Variants in LPAR3 observed in about 807,000 individuals in gnomAD.
LPAR3 encodes the protein lysophosphatidic acid receptor 3, also known as LPA receptor 3.
LPAR3 carries 7 observed loss-of-function variants against 17.8 expected under a neutral mutation model. The ratio of observed to expected loss-of-function variants is 0.39; its 90% CI spans 0.22 to 0.74. The LOEUF is 0.74. Ranked by LOEUF, LPAR3 falls within the 30% of genes least tolerant of loss-of-function variation. The probability of loss-of-function intolerance (pLI) is 0.40; values close to 1 mark genes in which losing one functional copy is unlikely to be tolerated. For synonymous variants in LPAR3, 179 were observed against 179.9 expected (o/e 0.99, Z 0.04); for missense variants, 391 against 453.4 (o/e 0.86, Z 1.25).
intron 2 of LPAR3, among the ~76,000 whole-genome samples, chr1:84,824,726 T>C (rs9728717): frequency 0.24 from 36,079 of 152,134 alleles, 5,181 homozygotes; most frequent in African/African-American, 0.4. Flanking sequence ...GTTGGTTACT[T>C]CCTCTGCTGT....
At chr1:84,891,118 A>G (rs4243772) in intron 1 of LPAR3, among the ~76,000 whole-genome samples, 44,382 of 151,034 alleles carry the variant, frequency 0.29, 6,735 homozygotes, top group East Asian at 0.45. Flanking sequence ...TCTAACAAAT[A>G]TCTTGCAGAA....
chr1:84,848,926 A>G (rs1659642776), intron 2 of LPAR3, among the ~76,000 whole-genome samples: 1 of 152,200 alleles, frequency 6.6e-6, no homozygotes, highest in African/African-American at 2.4e-5. Context: ...TAAACTCAGT[A>G]CGTCTCTGGA....
At chr1:84,861,698 T>C (rs552462252) in intron 2 of LPAR3, among the ~76,000 whole-genome samples, 1 of 152,340 alleles carries the variant, frequency 6.6e-6, no homozygotes, top group African/African-American at 2.4e-5. Flanking sequence ...TTCATTTCCC[T>C]CGTCCCTGAA....
At chr1:84,860,749 T>C (rs1659925249) in intron 2 of LPAR3, among the ~76,000 whole-genome samples, 1 of 148,968 alleles carries the variant, frequency 6.7e-6, no homozygotes, top group Non-Finnish European at 1.5e-5. Flanking sequence ...TTTTTTTTTT[T>C]TTTTTTTTTG....
chr1:84,829,022 T>G (rs559777324), intron 2 of LPAR3, among the ~76,000 whole-genome samples: 2 of 150,520 alleles, frequency 1.3e-5, no homozygotes, highest in African/African-American at 5.0e-5. Flanking sequence ...CTCCTTTTCA[T>G]AGTTTAGGTC....
intron 2 of LPAR3, among the ~76,000 whole-genome samples, chr1:84,842,745 A>G (rs770791128): frequency 2.0e-5 from 3 of 152,184 alleles, no homozygotes; most frequent in Non-Finnish European, 4.4e-5. Flanking sequence ...AGATAATCAT[A>G]ACAGTCCTAT....
intron 2 of LPAR3, among the ~76,000 whole-genome samples, chr1:84,833,759 G>T (rs1428666001): frequency 1.3e-5 from 2 of 152,178 alleles, no homozygotes; most frequent in African/African-American, 4.8e-5. Context: ...CCCAGCTGCA[G>T]GGGTGGCTGT....
At chr1:84,888,079 G>A (rs1168515811) in intron 1 of LPAR3, among the ~76,000 whole-genome samples, 1 of 151,432 alleles carries the variant, frequency 6.6e-6, no homozygotes, top group Non-Finnish European at 1.5e-5. Context: ...GAGTGATGGA[G>A]AATAATGTCT....
intron 2 of LPAR3, among the ~76,000 whole-genome samples, chr1:84,829,953 G>T (rs1170491232): frequency 6.6e-6 from 1 of 152,106 alleles, no homozygotes; most frequent in African/African-American, 2.4e-5. Flanking sequence ...GAAGAGAGAA[G>T]AAAGGCTGCT....
intron 2 of LPAR3, among the ~76,000 whole-genome samples, chr1:84,863,305 A>G (rs914945247): frequency 4.6e-5 from 7 of 151,698 alleles, no homozygotes; most frequent in South Asian, 2.1e-4. Flanking sequence ...TTCTTTCTCA[A>G]TTTTACTCCA....
chr1:84,841,114 T>A (rs928099085), intron 2 of LPAR3, among the ~76,000 whole-genome samples: 1 of 152,196 alleles, frequency 6.6e-6, no homozygotes, highest in Non-Finnish European at 1.5e-5. Context: ...TCAACAGTTA[T>A]CCAGGCTTTG....
At chr1:84,890,317 T>G (rs1386375365) in intron 1 of LPAR3, among the ~76,000 whole-genome samples, 2 of 152,244 alleles carry the variant, frequency 1.3e-5, no homozygotes, top group Admixed American at 6.5e-5. Context: ...TAGAAATCTT[T>G]GCACTTTTAC....
intron 1 of LPAR3, among the ~76,000 whole-genome samples, chr1:84,889,380 T>C (rs1660514462): frequency 6.6e-6 from 1 of 152,124 alleles, no homozygotes; most frequent in African/African-American, 2.4e-5. Flanking sequence ...GTGAGGATGG[T>C]ATAGGTGGAC....
intron 2 of LPAR3, among the ~76,000 whole-genome samples, chr1:84,861,777 G>A (rs780515625): frequency 1.3e-5 from 2 of 152,120 alleles, no homozygotes; most frequent in Admixed American, 6.5e-5. Flanking sequence ...ACACCAAACT[G>A]TCTTTCTTCC....
At chr1:84,849,993 C>G (rs1411951330) in intron 2 of LPAR3, among the ~76,000 whole-genome samples, 1 of 152,142 alleles carries the variant, frequency 6.6e-6, no homozygotes, top group African/African-American at 2.4e-5. Context: ...TCAGAAGGGC[C>G]TGCACTTGGT....
In LPAR3 at chr1:84,885,149, G is replaced by A. The variant is rs78570467; in HGVS notation, c.-19+7867C>T. ...GAGGGGGGTACTATTGGCATCTACCGGGCAGAGGCCAGGAATGCTGCTGCA... is the reference window on the plus strand; with the variant it reads ...GAGGGGGGTACTATTGGCATCTACCAGGCAGAGGCCAGGAATGCTGCTGCA... On this transcript the variant is annotated intron_variant, in intron 1 of 2. Transcript: ENST00000370611. 6.6e-5 allele frequency among the ~76,000 whole-genome samples: 10 copies of A among 152,268 alleles called. No homozygotes were observed. The East Asian group carries it at 9.6e-4, about 15-fold the overall frequency.
intron 2 of LPAR3, among the ~76,000 whole-genome samples, chr1:84,839,680 C>T (rs545476674): frequency 1.7e-3 from 173 of 98,902 alleles, no homozygotes; most frequent in Non-Finnish European, 3.0e-3. Flanking sequence ...TAAATAAATA[C>T]GTAAAATAAA....
At chr1:84,892,294 T>C (rs1660567656) in intron 1 of LPAR3, among the ~76,000 whole-genome samples, 1 of 152,152 alleles carries the variant, frequency 6.6e-6, no homozygotes, top group African/African-American at 2.4e-5. Flanking sequence ...AGGGCCATTT[T>C]AATGATTACC....
intron 2 of LPAR3, among the ~76,000 whole-genome samples, chr1:84,820,756 T>A (rs1359591332): frequency 1.3e-5 from 2 of 152,164 alleles, no homozygotes; most frequent in African/African-American, 4.8e-5. Context: ...ACTTCTCTTC[T>A]AAGCATCTAG....
Sources: allele counts gnomAD v4.1 joint callset (sites outside exome capture counted in the v4.1 genomes callset), GRCh38; gene constraint gnomAD v4.1.1; transcripts MANE v1.5; gene names NCBI Gene and HGNC (gene_info 2026-07-23, HGNC 2026-07-21).